Variants in CLK4 observed in about 807,000 individuals in gnomAD.
The protein encoded by CLK4 is CDC like kinase 4, also known as dual specificity protein kinase CLK4.
Under a neutral mutation model 64.4 loss-of-function variants are expected in CLK4, and 37 were observed. The observed-to-expected ratio is 0.57, with a 90% confidence interval of 0.44 to 0.76. The LOEUF (loss-of-function observed/expected upper bound fraction) is 0.76, where lower values mean the gene tolerates loss of function less well. CLK4 is among the 30% of genes least tolerant of loss of function. The pLI, the probability that CLK4 is intolerant of heterozygous loss-of-function variation, is 0.00. For synonymous variants in CLK4, 175 were observed against 191.6 expected, an observed-to-expected ratio of 0.91 and a Z score of 0.72; for missense variants, 457 against 605.1, an observed-to-expected ratio of 0.76 and a Z score of 2.57.
rs1309938482 is a variant in CLK4 at position 178,617,088 on chromosome 5, T to C, written c.476-140A>G. On this transcript the variant is annotated intron_variant, in intron 4 of 12. Coordinates refer to ENST00000316308, the MANE Select transcript of CLK4 (RefSeq NM_020666.3). The surrounding 1 kb of genome is among the most constrained non-coding windows in gnomAD (Gnocchi z 5.2). ...TAAGGTTTCAGCACTCAAATTATTT[T>C]AGTTTCAGCTGCTACAAAAACAATT... 3.0e-6 allele frequency: 2 copies of C among 675,008 alleles called. No homozygotes were observed. The highest frequency in any genetic ancestry group is 2.6e-6 in the Non-Finnish European group (1 of 387,306). The allele number at this position is 675,008 out of a possible 1,614,324, so 41.8% of individuals were successfully genotyped here.
chr5:178,616,755 C>T, intron 5 of CLK4, 127 bp downstream of exon 5: 1 of 684,510 alleles, frequency 1.5e-6, no homozygotes, highest in Non-Finnish European at 2.5e-6. Flanking sequence ...AAGATAGCAC[C>T]ACTGCACTCA....
Position 178,626,233 on chromosome 5 carries a change from G to A in CLK4, c.-1+713C>T, listed in dbSNP as rs754220490. ...TGAGGCAAGACAAAGTGGCTGGCGAGTTCAGTTTGCGGGGCGGTTTCCTAA... is the reference window on the plus strand; with the variant it reads ...TGAGGCAAGACAAAGTGGCTGGCGAATTCAGTTTGCGGGGCGGTTTCCTAA... On this transcript the variant is annotated intron_variant, in intron 1 of 12. Transcript: ENST00000316308. 2.0e-5 allele frequency among the ~76,000 whole-genome samples: 3 copies of A among 152,214 alleles called. No individual in the cohort carries two copies. The South Asian group carries it at 6.2e-4, about 32-fold the overall frequency.
intron 7 of CLK4, among the ~76,000 whole-genome samples, chr5:178,613,119 A>ATTT (rs761304480): frequency 1.8e-3 from 269 of 152,310 alleles, no homozygotes; most frequent in Non-Finnish European, 2.9e-3. Flanking sequence ...AACATAAAAA[A>ATTT]TATTTAAAAA....
At chr5:178,609,134 A>T (rs1764516014) in intron 9 of CLK4, among the ~76,000 whole-genome samples, 5 of 152,230 alleles carry the variant, frequency 3.3e-5, no homozygotes. Context: ...ATCAGAATAA[A>T]ACATCTAGCC....
At chr5:178,607,311 ACT>A (rs1764481104) in intron 10 of CLK4, among the ~76,000 whole-genome samples, 1 of 151,734 alleles carries the variant, frequency 6.6e-6, no homozygotes, top group Non-Finnish European at 1.5e-5. Context: ...TATACAAGAC[ACT>A]CTGACAACGC....
rs1390255271 is a variant in CLK4 at position 178,617,130 on chromosome 5, C to T, written c.476-182G>A. 3.1e-6 allele frequency: 2 copies of T among 640,914 alleles called. No individual in the cohort carries two copies. Among genetic ancestry groups the T allele is most frequent in the Non-Finnish European group, 2.7e-6 (1 of 364,166 alleles). 39.7% of individuals were successfully genotyped at this position (640,914 alleles called of 1,614,324 possible). On this transcript the variant is annotated intron_variant, in intron 4 of 12. Coordinates refer to ENST00000316308, the MANE Select transcript of CLK4 (RefSeq NM_020666.3). This position sits in a 1 kb window ranked among gnomAD's most constrained non-coding sequence, Gnocchi z 5.2. ...AAAACAATTAGATAGAGCTATCTTT[C>T]TTGCTCTAATCTCAAATTCCACTGA...
chr5:178,608,762 T>C (rs868773177), intron 9 of CLK4, among the ~76,000 whole-genome samples: 17 of 152,340 alleles, frequency 1.1e-4, no homozygotes, highest in African/African-American at 2.4e-5. Flanking sequence ...CTGAACTGTT[T>C]ATATAATGGG....
intron 10 of CLK4, among the ~76,000 whole-genome samples, 193 bp from the exon 11 acceptor site, chr5:178,605,575 C>T (rs1415352786): frequency 6.6e-6 from 1 of 152,180 alleles, no homozygotes; most frequent in Admixed American, 6.5e-5. Flanking sequence ...ATCCAGTACC[C>T]AATGAATAGT....
chr5:178,623,618 G>A (rs1764740037), intron 1 of CLK4, among the ~76,000 whole-genome samples: 1 of 151,532 alleles, frequency 6.6e-6, no homozygotes, highest in African/African-American at 2.4e-5. Context: ...ATTAAATTGT[G>A]GGTAATACTG....
At chr5:178,615,077 C>T (rs1267896713) in intron 5 of CLK4, among the ~76,000 whole-genome samples, 1 of 152,102 alleles carries the variant, frequency 6.6e-6, no homozygotes, top group Non-Finnish European at 1.5e-5. Context: ...CCACACGTGA[C>T]TACAGGCTCA....
chr5:178,610,940 G>C lies in CLK4; in HGVS notation c.1051+1476C>G, dbSNP rs532657767. Among the ~76,000 whole-genome samples, 126 of 152,088 alleles carry C rather than the reference G, an allele frequency of 8.3e-4. 1 individual carries two copies. Among genetic ancestry groups the C allele is most frequent in the Admixed American group, 1.2e-3 (19 of 15,284 alleles). ...CTATAAAAATTAGCCGGGTGTGGTGGTGGGCACCTGTAATCCCAGCTACTC... is the reference window on the plus strand; with the variant it reads ...CTATAAAAATTAGCCGGGTGTGGTGCTGGGCACCTGTAATCCCAGCTACTC... On this transcript the variant is annotated intron_variant, in intron 9 of 12. Transcript: ENST00000316308.
In CLK4 at chr5:178,618,626, G is replaced by T; in HGVS notation, c.314C>A (p.Ser105Ter). Reference sequence around the variant, plus strand: ...AGGACTGCTTCTCCTGCTGCGGACTGAAGATTTACTGCAGTGGATTCGATA... The same window carrying T: ...AGGACTGCTTCTCCTGCTGCGGACTTAAGATTTACTGCAGTGGATTCGATA... ...SGYRIHCSKS[S>*]VRSRRSSPKR... is the part of the protein sequence containing the mutation. Residue 105 changes from serine to a stop codon, truncating the protein, a stop_gained, in exon 3 of 13, where the codon TCA becomes TAA. Transcript: ENST00000316308. LOFTEE classifies it high-confidence loss of function. 1 of 1,614,072 alleles carries T rather than the reference G, an allele frequency of 6.2e-7. No homozygotes were observed. The highest frequency in any genetic ancestry group is 8.5e-7 in the Non-Finnish European group (1 of 1,179,972).
chr5:178,617,073 G>A lies in CLK4; in HGVS notation c.476-125C>T. ...CTAACAAAGCATAACTAAGGTTTCA[G>A]CACTCAAATTATTTTAGTTTCAGCT... On this transcript the variant is annotated intron_variant, in intron 4 of 12. Transcript: ENST00000316308. The surrounding 1 kb of genome is among the most constrained non-coding windows in gnomAD (Gnocchi z 5.2). The A allele has an allele frequency of 1.4e-6, 1 of 713,192 alleles. No homozygotes were observed. The highest frequency in any genetic ancestry group is 2.7e-5 in the East Asian group (1 of 37,054). 44.2% of individuals were successfully genotyped at this position (713,192 alleles called of 1,614,324 possible).
intron 7 of CLK4, among the ~76,000 whole-genome samples, 158 bp from the exon 8 acceptor site, chr5:178,613,048 T>C (rs1009266243): frequency 2.6e-5 from 4 of 152,170 alleles, no homozygotes; most frequent in African/African-American, 7.2e-5. Flanking sequence ...ATATATAGCT[T>C]GTATAATAAA....
chr5:178,620,750 T>C (rs1764697254), intron 2 of CLK4: 1 of 298,676 alleles, frequency 3.3e-6, no homozygotes. Flanking sequence ...ATTACTCACA[T>C]AAAAATGAAA....
intron 10 of CLK4, among the ~76,000 whole-genome samples, chr5:178,607,722 G>A (rs567207062): frequency 1.3e-5 from 2 of 151,658 alleles, no homozygotes; most frequent in Non-Finnish European, 2.9e-5. Context: ...ATGTTAGCCA[G>A]GATGGTCTCG....
intron 9 of CLK4, 88 bp downstream of exon 9, chr5:178,612,328 A>C: frequency 8.3e-7 from 1 of 1,199,128 alleles, no homozygotes; most frequent in South Asian, 1.7e-5. Context: ...TGCTGAGAAG[A>C]TCATACTTCC....
At chr5:178,609,535 T>C (rs918800014) in intron 9 of CLK4, among the ~76,000 whole-genome samples, 19 of 151,670 alleles carry the variant, frequency 1.3e-4, no homozygotes, top group African/African-American at 3.9e-4. Flanking sequence ...ACAAAAAAAT[T>C]AGCTGGGCGT....
intron 10 of CLK4, among the ~76,000 whole-genome samples, chr5:178,607,973 G>A (rs1215933394): frequency 6.6e-6 from 1 of 152,152 alleles, no homozygotes; most frequent in Non-Finnish European, 1.5e-5. Context: ...TAATACTTAA[G>A]AGTAAAATAC....
Sources: gnomAD v4.1 joint callset for allele counts (sites outside exome capture counted in the v4.1 genomes callset) on GRCh38, gnomAD v4.1.1 for gene constraint, Gnocchi (gnomAD v3.1) non-coding constraint, MANE v1.5 for transcripts, NCBI Gene and HGNC (gene_info 2026-07-23, HGNC 2026-07-21) for gene names.